ANO4: variants seen among roughly 807,000 people sequenced by gnomAD.
The protein encoded by ANO4 is anoctamin 4, also known as anoctamin-4.
In ANO4, 69 loss-of-function variants were observed where a neutral mutation model predicts 141.9. That is an observed-to-expected ratio of 0.49 (90% CI 0.40 to 0.59). The LOEUF (loss-of-function observed/expected upper bound fraction) is 0.59. Ranked by LOEUF, ANO4 falls within the 20% of genes least tolerant of loss-of-function variation. ANO4 has a pLI of 0.00. For missense variants in ANO4, 894 were observed against 1,162.2 expected (o/e 0.77, Z 3.36); for synonymous variants, 350 against 394.3 (o/e 0.89, Z 1.33).
Position 101,095,215 on chromosome 12 carries a change from A to T in ANO4, c.1738+923A>T, listed in dbSNP as rs577221956. Among the ~76,000 whole-genome samples, 10 of 152,378 alleles carry T rather than the reference A, an allele frequency of 6.6e-5. No homozygotes were observed. In the East Asian group the frequency reaches 1.7e-3, roughly 26 times the overall value. On this transcript the variant is annotated intron_variant, in intron 18 of 27. Transcript: ENST00000392977. ...TACTGAAACTTTCTATGAGCTGGATACAGAGCTAGGCACTTTACCTTATCT... is the reference window on the plus strand; with the variant it reads ...TACTGAAACTTTCTATGAGCTGGATTCAGAGCTAGGCACTTTACCTTATCT...
At chr12:100,923,382 C>T (rs761408753) in intron 3 of ANO4, among the ~76,000 whole-genome samples, 7 of 150,092 alleles carry the variant, frequency 4.7e-5, no homozygotes, top group African/African-American at 9.8e-5. Context: ...TGAGAACATG[C>T]GGTGTTTGGT....
rs1209868489 is a variant in ANO4, at chr12:100,939,324, A to G, written c.170A>G (p.Asp57Gly). Residue 57 changes from aspartate (D) to glycine (G), a missense_variant, in exon 4 of 28, where the codon GAT (aspartate) becomes GGT (glycine). By Grantham distance (94) the Asp-to-Gly change is moderately conservative (BLOSUM62 -1). Transcript: ENST00000392977. ...ILNAIQEMAKDVNILFDELEA... is the reference protein window; with the variant it reads ...ILNAIQEMAKGVNILFDELEA... ...TTTACTTTGGTTCTAGTGGCCAAGG[A>G]TGTCAATATTCTTTTTGATGAATTA... The G allele has an allele frequency of 2.5e-6, 4 of 1,613,110 alleles. No homozygotes were observed. The highest frequency in any genetic ancestry group is 3.3e-5 in the Admixed American group (2 of 59,976).
At chr12:101,064,122 G>T (rs931075122) in intron 14 of ANO4, among the ~76,000 whole-genome samples, 1 of 151,750 alleles carries the variant, frequency 6.6e-6, no homozygotes, top group Non-Finnish European at 1.5e-5. Flanking sequence ...TTATTTATGT[G>T]AGGTCTTTCT....
chr12:101,067,077 C>A, intron 14 of ANO4: 1 of 420,086 alleles, frequency 2.4e-6, no homozygotes, highest in South Asian at 3.6e-5. Flanking sequence ...TAAGCTAGTT[C>A]TTTCTGCCTT....
At chr12:100,918,421 G>A (rs1012508143) in intron 2 of ANO4, among the ~76,000 whole-genome samples, 2 of 152,162 alleles carry the variant, frequency 1.3e-5, no homozygotes, top group African/African-American at 2.4e-5. Context: ...GATAACTTCT[G>A]TACCTATTTT....
At chr12:100,951,361 C>A (rs1377720880) in intron 5 of ANO4, among the ~76,000 whole-genome samples, 1 of 152,164 alleles carries the variant, frequency 6.6e-6, no homozygotes, top group Non-Finnish European at 1.5e-5. Context: ...ATAAGTCATT[C>A]TACCATATAG....
intron 5 of ANO4, among the ~76,000 whole-genome samples, chr12:100,966,201 C>T (rs1270547395): frequency 1.3e-5 from 2 of 152,156 alleles, no homozygotes; most frequent in Non-Finnish European, 2.9e-5. Context: ...TTCTTTTCAC[C>T]ATACCACCAA....
intron 9 of ANO4, among the ~76,000 whole-genome samples, chr12:101,027,551 C>T (rs960148013): frequency 2.0e-5 from 3 of 147,836 alleles, no homozygotes; most frequent in African/African-American, 8.0e-5. Context: ...TGGCTTGGTC[C>T]CCAAGAGTGG....
chr12:100,752,473 A>C (rs1156900373), intron 3 of ANO4, among the ~76,000 whole-genome samples: 1 of 152,184 alleles, frequency 6.6e-6, no homozygotes, highest in East Asian at 1.9e-4. Flanking sequence ...CCCAAAAACA[A>C]CAAGTCAAGA....
intron 3 of ANO4, among the ~76,000 whole-genome samples, chr12:100,773,865 C>T (rs762160975): frequency 4.3e-4 from 66 of 152,194 alleles, no homozygotes; most frequent in Middle Eastern, 3.4e-3. Context: ...GAAATTCAGC[C>T]CCTTGATATG....
At chr12:100,770,782 T>A (rs1034199909) in intron 3 of ANO4, among the ~76,000 whole-genome samples, 11 of 43,100 alleles carry the variant, frequency 2.6e-4, no homozygotes, top group African/African-American at 1.4e-3. Flanking sequence ...TTGGCTTGAA[T>A]TTTTTTTTTT....
intron 8 of ANO4, among the ~76,000 whole-genome samples, chr12:101,008,676 A>T (rs1443935891): frequency 2.0e-5 from 3 of 152,104 alleles, no homozygotes; most frequent in Admixed American, 2.0e-4. Flanking sequence ...TAATTTTCAA[A>T]ATTTTCTATG....
chr12:100,954,665 C>A (rs2043109718), intron 5 of ANO4, among the ~76,000 whole-genome samples: 2 of 152,170 alleles, frequency 1.3e-5, no homozygotes, highest in South Asian at 4.2e-4. Context: ...GCTATGCTAG[C>A]CCCATCTCTG....
At chr12:100,726,494 T>C (rs573981740) in intron 1 of ANO4, among the ~76,000 whole-genome samples, 2 of 152,268 alleles carry the variant, frequency 1.3e-5, no homozygotes, top group Non-Finnish European at 2.9e-5. Context: ...GTTTTGCTTA[T>C]GGGCCTTAAA....
intron 1 of ANO4, among the ~76,000 whole-genome samples, chr12:100,802,630 A>G (rs938830028): frequency 6.6e-6 from 1 of 152,160 alleles, no homozygotes; most frequent in Non-Finnish European, 1.5e-5. Flanking sequence ...TCATTTATTC[A>G]TTCATTTGCT....
chr12:101,005,876 C>T (rs1204023872), intron 8 of ANO4, among the ~76,000 whole-genome samples: 1 of 152,064 alleles, frequency 6.6e-6, no homozygotes, highest in Non-Finnish European at 1.5e-5. Flanking sequence ...CTTCTCTTTT[C>T]TATAGCATCC....
intron 3 of ANO4, among the ~76,000 whole-genome samples, chr12:100,768,170 C>A (rs1256427315): frequency 6.6e-6 from 1 of 152,142 alleles, no homozygotes. Flanking sequence ...AGCTTGGATC[C>A]TGGGGCCATA....
At chr12:101,008,933 C>T (rs2045973202) in intron 8 of ANO4, among the ~76,000 whole-genome samples, 1 of 152,120 alleles carries the variant, frequency 6.6e-6, no homozygotes, top group Non-Finnish European at 1.5e-5. Flanking sequence ...ACTTTTGTGG[C>T]ATCTTCTGTT....
rs377607195 is a variant in ANO4, at chr12:101,109,889, A to G, written c.2150-515A>G. 1.3e-4 allele frequency among the ~76,000 whole-genome samples: 20 copies of G among 152,294 alleles called. No individual in the cohort carries two copies. The South Asian group carries it at 3.3e-3, about 25-fold the overall frequency. On this transcript the variant is annotated intron_variant, in intron 22 of 27. Coordinates refer to ENST00000392977, the MANE Select transcript of ANO4 (RefSeq NM_001286615.2). ...TAATCACTTATTTACGTAAGTATAT[A>G]TTTACATCAGTCTGGACTTAGATAC...
Sources: allele counts gnomAD v4.1 joint callset (sites outside exome capture counted in the v4.1 genomes callset), GRCh38; gene constraint gnomAD v4.1.1; transcripts MANE v1.5; gene names NCBI Gene and HGNC (gene_info 2026-07-23, HGNC 2026-07-21).